WDR26: variants seen among roughly 807,000 people sequenced by gnomAD.
WDR26 encodes the protein WD repeat-containing protein 26.
Under a neutral mutation model 84.1 loss-of-function variants are expected in WDR26, and 5 were observed. The observed-to-expected ratio is 0.06, with a 90% CI of 0.03 to 0.13. WDR26 has a LOEUF of 0.13. Among genes scored for constraint, WDR26 ranks in the 10% least tolerant of loss-of-function variants. WDR26 has a pLI of 1.00. For synonymous variants in WDR26, 415 were observed against 389.6 expected, an observed-to-expected ratio of 1.07 and a Z score of -0.77; for missense variants, 642 against 974.9, an observed-to-expected ratio of 0.66 and a Z score of 4.55.
chr1:224,430,126 T>C (rs1006345206), intron 3 of WDR26: 21 of 152,166 alleles, frequency 1.4e-4, no homozygotes, highest in African/African-American at 5.1e-4. Context: ...AACTGCTCAA[T>C]AAAATGTACT....
At position 224,434,047 on chromosome 1, in the gene WDR26, C is replaced by T. The variant is rs796052210; in HGVS notation, c.359G>A (p.Gly120Glu). Residue 120 changes from glycine to glutamate, a missense_variant, in exon 1 of 14, where the codon GGA (glycine) becomes GAA (glutamate). Gly to Glu is a moderately conservative substitution (Grantham distance 98). Around this residue, in one of 2 missense-constraint regions of WDR26, gnomAD observed 291 missense variants for 302.1 expected, o/e 0.96. Transcript: ENST00000414423. ...CTGTCCCTGGCCCCCGCCGCCCCCT[C>T]CTCCTCCACCGCCGCCGCCGCCACC... The T allele has an allele frequency of 4.8e-6, 7 of 1,454,230 alleles. No individual in the cohort carries two copies. The East Asian group carries it at 1.5e-4, about 31-fold the overall frequency. 90.1% of individuals were successfully genotyped at this position (1,454,230 alleles called of 1,614,324 possible).
chr1:224,411,714 T>C, intron 6 of WDR26, 149 bp from the exon 7 acceptor site: 3 of 935,324 alleles, frequency 3.2e-6, no homozygotes, highest in Non-Finnish European at 4.6e-6. Flanking sequence ...CTTTTTTTTT[T>C]TTTTGAGACA....
At chr1:224,418,466 TTTTA>T in intron 5 of WDR26, 50 bp from the exon 6 acceptor site, 2 of 1,503,128 alleles carry the variant, frequency 1.3e-6, no homozygotes, top group Non-Finnish European at 1.8e-6. Context: ...AACTGTAAAC[TTTTA>T]TTTAAGACAT....
intron 4 of WDR26, among the ~76,000 whole-genome samples, chr1:224,423,661 T>C (rs1224809409): frequency 6.6e-6 from 1 of 152,222 alleles, no homozygotes; most frequent in Non-Finnish European, 1.5e-5. Flanking sequence ...GGCAGGAGGA[T>C]GGCTTGAGCC....
At chr1:224,401,143 A>T (rs188824754) in intron 8 of WDR26, 74 bp from the exon 9 acceptor site, 1 of 1,404,850 alleles carries the variant, frequency 7.1e-7, no homozygotes, top group African/African-American at 1.5e-5. Context: ...AAAAAAAAAT[A>T]ACTGGGATGT....
intron 6 of WDR26, among the ~76,000 whole-genome samples, chr1:224,412,549 A>G (rs192575231): frequency 2.6e-5 from 4 of 152,214 alleles, no homozygotes; most frequent in Non-Finnish European, 5.9e-5. Context: ...CTAATATTAT[A>G]TATCAAGGGC....
rs1357219726 is a variant in WDR26 at position 224,407,151 on chromosome 1, A to ATATATATATATAT, written c.1459-2582_1459-2581insATATATATATATA. Among the ~76,000 whole-genome samples the ATATATATATATAT allele has an allele frequency of 4.2e-4, 5 of 11,876 alleles. 1 individual carries two copies. Among genetic ancestry groups the ATATATATATATAT allele is most frequent in the Non-Finnish European group, 7.0e-4 (5 of 7,118 alleles). 7.8% of individuals were successfully genotyped at this position (11,876 alleles called of 152,430 possible). ...AAAAAAAAAAAAAAAAAAAAAAAAAAATATATATATATATATATATAACTC... is the reference window on the plus strand; with the variant it reads ...AAAAAAAAAAAAAAAAAAAAAAAAAATATATATATATATATATATATATATATATATATAACTC... On this transcript the variant is annotated intron_variant, in intron 7 of 13. Coordinates refer to ENST00000414423, the MANE Select transcript of WDR26 (RefSeq NM_001379403.1).
At chr1:224,407,147 A>T (rs1320067942) in intron 7 of WDR26, among the ~76,000 whole-genome samples, 5,715 of 18,316 alleles carry the variant, frequency 0.31, 469 homozygotes, top group Non-Finnish European at 0.41. Context: ...AAAAAAAAAA[A>T]AAAAATATAT....
At chr1:224,389,902 G>GC in intron 13 of WDR26, 42 bp from the exon 14 acceptor site, 12 of 376,214 alleles carry the variant, frequency 3.2e-5, no homozygotes, top group Non-Finnish European at 3.0e-5. Context: ...GCGGGCGGGG[G>GC]AGGGAAGAGG....
intron 12 of WDR26, among the ~76,000 whole-genome samples, chr1:224,394,306 A>G (rs1673200687): frequency 6.6e-6 from 1 of 152,226 alleles, no homozygotes; most frequent in Non-Finnish European, 1.5e-5. Context: ...AACATAAACA[A>G]ATCCAGGATA....
intron 11 of WDR26, 94 bp from the exon 12 acceptor site, chr1:224,398,320 CTTCA>C (rs1381559073): frequency 6.8e-7 from 1 of 1,470,090 alleles, no homozygotes; most frequent in Non-Finnish European, 9.1e-7. Flanking sequence ...GATGAAATAT[CTTCA>C]TTTTCTATTA....
At chr1:224,423,584 C>CA in intron 4 of WDR26, among the ~76,000 whole-genome samples, 1 of 152,074 alleles carries the variant, frequency 6.6e-6, no homozygotes, top group South Asian at 2.1e-4. Context: ...CCTGTCTCTA[C>CA]AAAAAATGAA....
chr1:224,418,121 AT>A (rs1398111993), intron 6 of WDR26, 138 bp downstream of exon 6: 1 of 639,968 alleles, frequency 1.6e-6, no homozygotes, highest in Non-Finnish European at 2.3e-6. Flanking sequence ...TTCAATTTTC[AT>A]AGTTCCAGCT....
At chr1:224,422,797 A>C (rs751143165) in intron 4 of WDR26, among the ~76,000 whole-genome samples, 6 of 152,144 alleles carry the variant, frequency 3.9e-5, no homozygotes, top group African/African-American at 4.8e-5. Context: ...AGAGATGTCC[A>C]TGGCTTAACT....
intron 13 of WDR26, among the ~76,000 whole-genome samples, chr1:224,391,284 AC>A (rs934486960): frequency 9.0e-5 from 13 of 144,940 alleles, no homozygotes; most frequent in African/African-American, 3.4e-4. Flanking sequence ...AATTGCTTGA[AC>A]CCAGGAGGCG....
chr1:224,434,226 G>GGAC lies in WDR26; in HGVS notation c.177_179dup (p.Ser67dup), dbSNP rs1674528731. 11 of 1,390,048 alleles carry GGAC rather than the reference G, an allele frequency of 7.9e-6. No individual in the cohort carries two copies. The highest frequency in any genetic ancestry group is 1.5e-5 in the African/African-American group (1 of 67,448). 86.1% of individuals were successfully genotyped at this position (1,390,048 alleles called of 1,614,324 possible). ...CCACGGAGGAGGAGGAGGAGGAGGAGGACGAGGACGACGAGGACGGAGGGG... is the reference window on the plus strand; with the variant it reads ...CCACGGAGGAGGAGGAGGAGGAGGAGGACGACGAGGACGACGAGGACGGAGGGG... On this transcript the variant is annotated inframe_insertion, in exon 1 of 14. Transcript: ENST00000414423.
intron 1 of WDR26, among the ~76,000 whole-genome samples, chr1:224,432,945 T>C (rs1674440008): frequency 6.6e-6 from 1 of 152,234 alleles, no homozygotes; most frequent in African/African-American, 2.4e-5. Flanking sequence ...GCCACCTAAA[T>C]TGTATTTGAA....
intron 3 of WDR26, chr1:224,430,945 A>G (rs1295729132): frequency 6.5e-6 from 1 of 153,184 alleles, no homozygotes; most frequent in Non-Finnish European, 1.5e-5. Flanking sequence ...CAAACCCTCC[A>G]CCAGAGTGAT....
chr1:224,392,250 A>G (rs1050571305), intron 13 of WDR26, among the ~76,000 whole-genome samples: 1 of 151,768 alleles, frequency 6.6e-6, no homozygotes, highest in African/African-American at 2.4e-5. Context: ...AGTCCCAGCT[A>G]CTCGGGAGGC....
Sources: allele counts gnomAD v4.1 joint callset (sites outside exome capture counted in the v4.1 genomes callset), GRCh38; gene constraint gnomAD v4.1.1; regional missense constraint gnomAD v4.1.1; transcripts MANE v1.5; gene names NCBI Gene and HGNC (gene_info 2026-07-23, HGNC 2026-07-21).